Variants in NBEAL1 observed in about 807,000 individuals in gnomAD.
NBEAL1 encodes neurobeachin like 1.
Under a neutral mutation model 351.3 loss-of-function variants are expected in NBEAL1, and 273 were observed. The ratio of observed to expected loss-of-function variants is 0.78; its 90% CI spans 0.70 to 0.86. NBEAL1 has a LOEUF of 0.86. NBEAL1 is among the 40% of genes least tolerant of loss of function. The pLI, the probability that NBEAL1 is intolerant of heterozygous loss-of-function variation, is 0.00. For missense variants in NBEAL1, 2,961 were observed against 3,201.3 expected (o/e 0.92, Z 1.81); for synonymous variants, 1,050 against 1,086.4 (o/e 0.97, Z 0.66).
At chr2:203,121,718 T>A (rs2062836582) in intron 18 of NBEAL1, among the ~76,000 whole-genome samples, 1 of 152,062 alleles carries the variant, frequency 6.6e-6, no homozygotes, top group African/African-American at 2.4e-5. Flanking sequence ...ATCTGTCAGA[T>A]GACAAGTAGC....
chr2:203,119,362 A>T (rs971751158), intron 18 of NBEAL1, among the ~76,000 whole-genome samples: 30 of 143,264 alleles, frequency 2.1e-4, no homozygotes, highest in Admixed American at 8.7e-4. Context: ...CAAGTGATCC[A>T]CCCACTTAGG....
intron 55 of NBEAL1, among the ~76,000 whole-genome samples, chr2:203,214,085 T>C (rs1575141359): frequency 6.6e-6 from 1 of 152,240 alleles, no homozygotes; most frequent in African/African-American, 2.4e-5. Flanking sequence ...CCCCATTTAG[T>C]GTGCTTATTC....
At chr2:203,088,065 G>A (rs1051027319) in intron 10 of NBEAL1, among the ~76,000 whole-genome samples, 1 of 152,042 alleles carries the variant, frequency 6.6e-6, no homozygotes, top group African/African-American at 2.4e-5. Context: ...CCCTTTTCAT[G>A]TTTACTCTAT....
chr2:203,172,921 T>C, intron 41 of NBEAL1, 68 bp downstream of exon 41: 2 of 1,441,300 alleles, frequency 1.4e-6, no homozygotes, highest in South Asian at 3.1e-5. Context: ...TTTTTTACTA[T>C]GGCCAACCAA....
intron 7 of NBEAL1, among the ~76,000 whole-genome samples, chr2:203,077,264 G>A (rs1258249016): frequency 3.3e-5 from 5 of 151,930 alleles, no homozygotes; most frequent in African/African-American, 9.7e-5. Flanking sequence ...CAGCTACTCC[G>A]GAGGCTGAGG....
At chr2:203,049,111 ATTC>A (rs1033046296) in intron 3 of NBEAL1, among the ~76,000 whole-genome samples, 1 of 152,072 alleles carries the variant, frequency 6.6e-6, no homozygotes, top group African/African-American at 2.4e-5. Context: ...GGTTCAAGCG[ATTC>A]TTCTGCCTCA....
intron 4 of NBEAL1, among the ~76,000 whole-genome samples, chr2:203,053,505 CGTT>C (rs1043778723): frequency 2.6e-5 from 4 of 151,784 alleles, no homozygotes; most frequent in African/African-American, 7.3e-5. Flanking sequence ...TTGTCGTCGT[CGTT>C]GTTGTTGTTG....
intron 34 of NBEAL1, 48 bp from the exon 35 acceptor site, chr2:203,151,417 G>A: frequency 7.3e-7 from 1 of 1,363,468 alleles, no homozygotes; most frequent in Non-Finnish European, 1.0e-6. Flanking sequence ...AACAATCTTT[G>A]TAACTTAAGC....
At chr2:203,194,705 T>C (rs1244672223) in intron 47 of NBEAL1, among the ~76,000 whole-genome samples, 2 of 152,280 alleles carry the variant, frequency 1.3e-5, no homozygotes, top group African/African-American at 4.8e-5. Context: ...TCTAAAAATA[T>C]AAAACCCATC....
rs538458460 is a variant in NBEAL1, at chr2:203,148,300, A to C, written c.5305-691A>C. ...AAGAGAAACAACTAAGCTAAAGATA[A>C]AGTTAGATAAGAAAATTAGCTCAGA... On this transcript the variant is annotated intron_variant, in intron 33 of 55. Transcript: ENST00000683969. Among the ~76,000 whole-genome samples, 5 of 152,164 alleles carry C rather than the reference A, an allele frequency of 3.3e-5. No individual in the cohort carries two copies. The East Asian group carries it at 9.6e-4, about 29-fold the overall frequency.
At chr2:203,183,533 A>C (rs1037493585) in intron 44 of NBEAL1, 145 bp downstream of exon 44, 5 of 517,244 alleles carry the variant, frequency 9.7e-6, no homozygotes, top group Admixed American at 3.7e-5. Context: ...CAATATAGCA[A>C]TTTATTTTGA....
At chr2:203,216,771 TTTCA>T (rs1291958646) in intron 55 of NBEAL1, among the ~76,000 whole-genome samples, 1 of 152,116 alleles carries the variant, frequency 6.6e-6, no homozygotes, top group East Asian at 1.9e-4. Flanking sequence ...TGTAAAAGTC[TTTCA>T]TTATTATTAT....
intron 40 of NBEAL1, among the ~76,000 whole-genome samples, chr2:203,172,469 C>T (rs540160721): frequency 3.3e-5 from 5 of 151,688 alleles, no homozygotes; most frequent in South Asian, 2.1e-4. Context: ...TGCAGTGAGC[C>T]GAGATCATGA....
chr2:203,138,810 A>G (rs2063290188), intron 31 of NBEAL1, 62 bp downstream of exon 31: 1 of 1,451,964 alleles, frequency 6.9e-7, no homozygotes, highest in Non-Finnish European at 9.2e-7. Flanking sequence ...TATTTATGTA[A>G]CAAGCCAGTT....
intron 36 of NBEAL1, among the ~76,000 whole-genome samples, chr2:203,162,308 G>A (rs2063991825): frequency 6.6e-6 from 1 of 152,068 alleles, no homozygotes; most frequent in Admixed American, 6.6e-5. Context: ...ACAGGTGTGA[G>A]CCACTGTACC....
chr2:203,157,792 T>C lies in NBEAL1; in HGVS notation c.5681T>C (p.Leu1894Pro). ...GATATGGTGGAGGATAAATTAGACC[T>C]TCCTGAAGAGGATATAACAGCTAGA... ...VSDMVEDKLDLPEEDITARVN... is the reference protein window; with the variant it reads ...VSDMVEDKLDPPEEDITARVN... Residue 1894 changes from leucine to proline, a missense_variant, in exon 36 of 56, where the codon CTT becomes CCT. Transcript: ENST00000683969. 6.3e-7 allele frequency: 1 copy of C among 1,588,610 alleles called. No individual in the cohort carries two copies. The highest frequency in any genetic ancestry group is 1.7e-4 in the Middle Eastern group (1 of 5,882).
At chr2:203,199,214 T>C in intron 48 of NBEAL1, 124 bp from the exon 49 acceptor site, 1 of 549,228 alleles carries the variant, frequency 1.8e-6, no homozygotes, top group Non-Finnish European at 3.3e-6. Flanking sequence ...GTTTCAGGTT[T>C]GAAGTACACA....
In NBEAL1 at chr2:203,086,275, A is replaced by T. The variant is rs2061959446; in HGVS notation, c.1098+1706A>T. The T allele has an allele frequency of 1.3e-5, 2 of 151,910 alleles. 1 individual carries two copies. Among genetic ancestry groups the T allele is most frequent in the South Asian group, 4.1e-4 (2 of 4,822 alleles). 9.4% of individuals were successfully genotyped at this position (151,910 alleles called of 1,614,324 possible). ...TTTTTTACTGTGTATCACTGTGGCC[A>T]CTCTTCAGTCTTTCTGGAATATTAC... On this transcript the variant is annotated intron_variant, in intron 10 of 55. Transcript: ENST00000683969.
At chr2:203,134,309 T>G (rs569257048) in intron 27 of NBEAL1, among the ~76,000 whole-genome samples, 1 of 152,262 alleles carries the variant, frequency 6.6e-6, no homozygotes, top group East Asian at 1.9e-4. Flanking sequence ...ATAAGTCATA[T>G]TTTATGGAAA....
Sources: allele counts gnomAD v4.1 joint callset (sites outside exome capture counted in the v4.1 genomes callset), GRCh38; gene constraint gnomAD v4.1.1; transcripts MANE v1.5; gene names NCBI Gene and HGNC (gene_info 2026-07-23, HGNC 2026-07-21).